Variants in CCNJL observed in about 807,000 individuals in gnomAD.
The protein encoded by CCNJL is cyclin-J-like protein.
A neutral mutation model predicts 33.4 loss-of-function variants in CCNJL; 33 were observed. That is an observed-to-expected ratio of 0.99 (90% CI 0.75 to 1.32). CCNJL has a LOEUF of 1.32. CCNJL is among the 40% of genes most tolerant of loss of function. The probability of loss-of-function intolerance (pLI) is 0.00; values close to 1 mark genes in which losing one functional copy is unlikely to be tolerated. For missense variants in CCNJL, 512 were observed against 499.7 expected (o/e 1.02, Z -0.23); for synonymous variants, 227 against 220.9 (o/e 1.03, Z -0.24).
intron 2 of CCNJL, among the ~76,000 whole-genome samples, chr5:160,282,968 T>TATATATATATATATATAC (rs1762265205): frequency 3.9e-5 from 1 of 25,864 alleles, no homozygotes; most frequent in Non-Finnish European, 7.4e-5. Context: ...GTCCTTGGAA[T>TATATATATATATATATAC]ATATATATAT....
intron 2 of CCNJL, among the ~76,000 whole-genome samples, chr5:160,294,467 A>T (rs1477005425): frequency 6.6e-6 from 1 of 152,162 alleles, no homozygotes; most frequent in Non-Finnish European, 1.5e-5. Flanking sequence ...GGCCAGCTCC[A>T]AGCACACCTC....
intron 1 of CCNJL, among the ~76,000 whole-genome samples, chr5:160,332,191 C>T (rs975376716): frequency 2.6e-5 from 4 of 152,132 alleles, no homozygotes; most frequent in Non-Finnish European, 4.4e-5. Flanking sequence ...GCTCCCACAC[C>T]ACACCTCTGC....
intron 3 of CCNJL, 105 bp from the exon 4 acceptor site, chr5:160,259,876 A>C: frequency 1.1e-6 from 1 of 950,620 alleles, no homozygotes; most frequent in Non-Finnish European, 1.6e-6. Flanking sequence ...CAAAGAAGAC[A>C]GAAAGCAGAC....
intron 2 of CCNJL, among the ~76,000 whole-genome samples, chr5:160,310,730 C>T (rs963325768): frequency 3.9e-5 from 6 of 152,100 alleles, no homozygotes; most frequent in Non-Finnish European, 7.4e-5. Flanking sequence ...CTCCAATGAT[C>T]GGGTATCCTT....
chr5:160,316,896 T>C (rs1026907397), upstream of CCNJL, among the ~76,000 whole-genome samples: 1 of 152,210 alleles, frequency 6.6e-6, no homozygotes, highest in African/African-American at 2.4e-5. Context: ...AATATTTGCT[T>C]CCATGTAACC....
chr5:160,328,355 C>T (rs1212556219), intron 1 of CCNJL, among the ~76,000 whole-genome samples: 15 of 152,140 alleles, frequency 9.9e-5, no homozygotes, highest in Non-Finnish European at 5.9e-5. Flanking sequence ...ACAGGACACC[C>T]GTTAAGGAGG....
rs773902984 is a variant in CCNJL at position 160,321,078 on chromosome 5, C to CT, written n.207-5574dup. Reference sequence around the variant, plus strand: ...TCTTTCTTTCTTTCTTTCTTTCTTTCTTTCTTTCTTTCCTTCTCTCTTTCT... The same window carrying CT: ...TCTTTCTTTCTTTCTTTCTTTCTTTCTTTTCTTTCTTTCCTTCTCTCTTTCT... On this transcript the variant is annotated intron_variant and non_coding_transcript_variant, in intron 1 of 7. Transcript: ENST00000377503. Among the ~76,000 whole-genome samples, 56 of 104,026 alleles carry CT rather than the reference C, an allele frequency of 5.4e-4. 1 individual carries two copies. The highest frequency in any genetic ancestry group is 3.3e-3 in the African/African-American group (53 of 15,910). The allele number at this position is 104,026 out of a possible 152,430, so 68.2% of individuals were successfully genotyped here.
At chr5:160,323,709 G>A (rs1353041715) in intron 1 of CCNJL, among the ~76,000 whole-genome samples, 1 of 152,216 alleles carries the variant, frequency 6.6e-6, no homozygotes, top group Non-Finnish European at 1.5e-5. Flanking sequence ...GCTGATCTGG[G>A]TATATCTGTG....
At chr5:160,310,712 G>A (rs1763233823) in intron 2 of CCNJL, among the ~76,000 whole-genome samples, 1 of 152,142 alleles carries the variant, frequency 6.6e-6, no homozygotes, top group Non-Finnish European at 1.5e-5. Flanking sequence ...GGATTAGGGT[G>A]GGTTCTACTC....
In CCNJL at chr5:160,253,135, C is replaced by G; in HGVS notation, c.*243G>C. On this transcript the variant is annotated 3_prime_UTR_variant, in exon 6 of 6. Transcript: ENST00000257536. The stretch of plus-strand genomic sequence containing the variant: ...GGCCCCTGTGTGGGGGGACGGCCAC[C>G]AAGCCATCCTTTTGTACCCTAGCCA... The G allele has an allele frequency of 2.4e-6, 1 of 408,320 alleles. No homozygotes were observed. The allele number at this position is 408,320 out of a possible 1,614,324, so 25.3% of individuals were successfully genotyped here.
At chr5:160,338,537 A>G (rs1453644631) in intron 1 of CCNJL, among the ~76,000 whole-genome samples, 1 of 152,184 alleles carries the variant, frequency 6.6e-6, no homozygotes, top group African/African-American at 2.4e-5. Flanking sequence ...TCCTTTTTAG[A>G]GAACTTTTAT....
chr5:160,311,480 ATACATACACATTCTTAAAT>A (rs1156517383), intron 2 of CCNJL, among the ~76,000 whole-genome samples: 1 of 152,218 alleles, frequency 6.6e-6, no homozygotes, highest in African/African-American at 2.4e-5. Flanking sequence ...AGCTTGCTAG[ATACATACACATTCTTAAAT>A]TACACATTAG....
chr5:160,253,782 G>A lies in CCNJL; in HGVS notation c.760C>T (p.Leu254Phe). 6 of 1,518,844 alleles carry A rather than the reference G, an allele frequency of 4.0e-6. No homozygotes were observed. Among genetic ancestry groups the A allele is most frequent in the Non-Finnish European group, 5.3e-6 (6 of 1,137,654 alleles). 94.1% of individuals were successfully genotyped at this position (1,518,844 alleles called of 1,614,324 possible). The change falls in exon 6 of 6, where the codon CTC (leucine) becomes TTC (phenylalanine). Residue 254 changes from leucine (L) to phenylalanine (F), a missense_variant. By Grantham distance (22) the Leu-to-Phe change is conservative. Transcript: ENST00000257536. ...EILLVVYDNV[L>F]KDAVAVKSQA... ...CTCTTGACGGCTACGGCATCCTTGA[G>A]GACGTTGTCATACACTCTGAAACGA...
At chr5:160,309,012 T>C (rs1162642407) in intron 2 of CCNJL, among the ~76,000 whole-genome samples, 2 of 152,102 alleles carry the variant, frequency 1.3e-5, no homozygotes, top group Non-Finnish European at 2.9e-5. Flanking sequence ...TTAAGAGCAA[T>C]GGCATGGAGG....
intron 3 of CCNJL, among the ~76,000 whole-genome samples, chr5:160,260,886 G>A (rs1279641041): frequency 1.3e-5 from 2 of 152,128 alleles, no homozygotes; most frequent in African/African-American, 4.8e-5. Flanking sequence ...CCCCTGTACT[G>A]TACGACTCCC....
chr5:160,313,845 G>A (rs1353295922), upstream of CCNJL, among the ~76,000 whole-genome samples: 1 of 152,216 alleles, frequency 6.6e-6, no homozygotes, highest in East Asian at 1.9e-4. Flanking sequence ...GAATATCTGC[G>A]AGAAAAGCTA....
rs549614911 is a variant in CCNJL at position 160,280,891 on chromosome 5, C to T, written c.67-153G>A. 1.3e-3 allele frequency: 940 copies of T among 707,316 alleles called. 6 individuals are homozygous for T. The highest frequency in any genetic ancestry group is 2.4e-3 in the South Asian group (162 of 66,858). 43.8% of individuals were successfully genotyped at this position (707,316 alleles called of 1,614,324 possible). The stretch of plus-strand genomic sequence containing the variant: ...CCTGCAAGTCCCAGGATGGCAGCCC[C>T]GCCTGGGCTATCTCCCATCTGCTTT... On this transcript the variant is annotated intron_variant, in intron 2 of 5. Coordinates refer to ENST00000257536, the MANE Select transcript of CCNJL (RefSeq NM_001308173.3).
At position 160,280,516 on chromosome 5, in the gene CCNJL, T is replaced by G. The variant is rs1485938275; in HGVS notation, c.280+9A>C. The G allele has an allele frequency of 2.5e-6, 4 of 1,609,978 alleles. No individual in the cohort carries two copies. The Middle Eastern group carries it at 5.6e-4, about 226-fold the overall frequency. ...ACAAGCGCGGAGGAAGACGTAGGTT[T>G]TCGCTTACTTGCAAGCAGGAGGCAG... On this transcript the variant is annotated intron_variant, in intron 3 of 5. Transcript: ENST00000257536.
intron 3 of CCNJL, among the ~76,000 whole-genome samples, chr5:160,278,534 G>A (rs1762094287): frequency 6.6e-6 from 1 of 152,148 alleles, no homozygotes; most frequent in African/African-American, 2.4e-5. Flanking sequence ...GCAGCATATG[G>A]CAGGTGTCCT....
Sources: gnomAD v4.1 joint callset for allele counts (sites outside exome capture counted in the v4.1 genomes callset) on GRCh38, gnomAD v4.1.1 for gene constraint, MANE v1.5 for transcripts, NCBI Gene and HGNC (gene_info 2026-07-23, HGNC 2026-07-21) for gene names.